The following ZNF142 variants were observed in gnomAD, a reference collection of about 807,000 sequenced individuals.
The protein encoded by ZNF142 is zinc finger protein 142 (clone pHZ-49).
ZNF142 carries 96 observed loss-of-function variants against 132.1 expected under a neutral mutation model. The observed-to-expected ratio is 0.73, with a 90% CI of 0.62 to 0.86. The LOEUF is 0.86. Ranked by LOEUF, ZNF142 falls within the 40% of genes least tolerant of loss-of-function variation. The probability of loss-of-function intolerance (pLI) is 0.00; values close to 1 mark genes in which losing one functional copy is unlikely to be tolerated. For missense variants in ZNF142, 2,163 were observed against 2,336.2 expected, an observed-to-expected ratio of 0.93 and a Z score of 1.53; for synonymous variants, 842 against 890.1, an observed-to-expected ratio of 0.95 and a Z score of 0.96.
At position 218,633,497 on chromosome 2, in the gene ZNF142, G is replaced by T; in HGVS notation, c.*4842C>A. ...GTCCCGGCAGGTGAGGCAGGAGGGA[G>T]AATACAGTGGGGAGGCAGTGGGCAG... is the stretch of plus-strand genomic sequence containing the variant. On this transcript the variant is annotated 3_prime_UTR_variant, in exon 11 of 11. Transcript: ENST00000411696. The T allele has an allele frequency of 7.6e-7, 1 of 1,310,832 alleles. No individual in the cohort carries two copies. Among genetic ancestry groups the T allele is most frequent in the Non-Finnish European group, 1.1e-6 (1 of 915,466 alleles). The allele number at this position is 1,310,832 out of a possible 1,614,324, so 81.2% of individuals were successfully genotyped here.
chr2:218,654,247 A>G (rs1938276166), intron 4 of ZNF142, among the ~76,000 whole-genome samples: 3 of 152,194 alleles, frequency 2.0e-5, no homozygotes, highest in Middle Eastern at 3.2e-3. Context: ...TTTGCTATGT[A>G]GCTAAATTGA....
At position 218,643,820 on chromosome 2, in the gene ZNF142, A is replaced by C; in HGVS notation, c.3296T>G (p.Leu1099Trp). The C allele has an allele frequency of 6.2e-7, 1 of 1,613,096 alleles. No individual in the cohort carries two copies. The highest frequency in any genetic ancestry group is 8.5e-7 in the Non-Finnish European group (1 of 1,179,364). The change falls in exon 9 of 11, where the codon TTG becomes TGG. Residue 1099 changes from leucine to tryptophan, a missense_variant. Transcript: ENST00000411696. ...AGGGATGGGTGAATCTGGTCTGGGC[A>C]AGCCCTTGTTCTTTCTGAGTAGAAC... ...CPVLLRKNKGLPRPDSPIPLQ... is the reference protein window; with the variant it reads ...CPVLLRKNKGWPRPDSPIPLQ...
intron 3 of ZNF142, among the ~76,000 whole-genome samples, chr2:218,656,912 G>A (rs1938564112): frequency 6.6e-6 from 1 of 151,724 alleles, no homozygotes; most frequent in African/African-American, 2.4e-5. Flanking sequence ...CCGCCTCCTG[G>A]GTTCAAGCAA....
rs1453177953 is a variant in ZNF142 at position 218,642,087 on chromosome 2, C to T, written c.5029G>A (p.Glu1677Lys). The T allele has an allele frequency of 1.9e-6, 3 of 1,614,082 alleles. No individual in the cohort carries two copies. Among genetic ancestry groups the T allele is most frequent in the Non-Finnish European group, 2.5e-6 (3 of 1,180,036 alleles). Residue 1677 changes from glutamate to lysine, a missense_variant, in exon 9 of 11, where the codon GAA (glutamate) becomes AAA (lysine). Transcript: ENST00000411696. The surrounding 1 kb of genome is among the most constrained non-coding windows in gnomAD (Gnocchi z 4.6). ...CAGAGGTGACAGTGGTAAGGCTTTT[C>T]CCCAGTGTGGATGCGGCTGTGCCAG... ...ITWHSRIHTGEKPYHCHLCPY... is the reference protein window; with the variant it reads ...ITWHSRIHTGKKPYHCHLCPY...
rs374016465 is a variant in ZNF142, at chr2:218,640,616, C to T, written c.5194+48G>A. The T allele has an allele frequency of 4.1e-4, 651 of 1,572,682 alleles. 1 individual carries two copies. Among genetic ancestry groups the T allele is most frequent in the Non-Finnish European group, 5.4e-4 (617 of 1,143,784 alleles). On this transcript the variant is annotated intron_variant, in intron 10 of 10. Transcript: ENST00000411696. ...CCAACCTTGGTAAGGTTAGGTTTGC[C>T]AGGGAACAAAGGAACCCTTCAGGCC...
In ZNF142 at chr2:218,657,974, T is replaced by C. The variant is rs1009271978; in HGVS notation, c.-35+727A>G. 3.5e-4 allele frequency among the ~76,000 whole-genome samples: 53 copies of C among 152,226 alleles called. 1 individual carries two copies. Among genetic ancestry groups the C allele is most frequent in the African/African-American group, 1.2e-3 (51 of 41,456 alleles). On this transcript the variant is annotated intron_variant, in intron 3 of 10. Coordinates refer to ENST00000411696, the MANE Select transcript of ZNF142 (RefSeq NM_001379659.1). ...AGATTCCAGTGAAGAACCACAGATA[T>C]GGAGCTGCATTGGAGTAAAGCTAGG...
At position 218,643,017 on chromosome 2, in the gene ZNF142, G is replaced by T. The variant is rs554323831; in HGVS notation, c.4099C>A (p.Pro1367Thr). 21 of 1,605,214 alleles carry T rather than the reference G, an allele frequency of 1.3e-5. No individual in the cohort carries two copies. The African/African-American group carries it at 2.8e-4, about 21-fold the overall frequency. ...RHPTAAPARGPRPHLQCGDCG... is the reference protein window; with the variant it reads ...RHPTAAPARGTRPHLQCGDCG... ...TCCCCACACTGTAGATGGGGCCGGGGCCCACGGGCTGGGGCTGCAGTGGGG... is the reference window on the plus strand; with the variant it reads ...TCCCCACACTGTAGATGGGGCCGGGTCCCACGGGCTGGGGCTGCAGTGGGG... Residue 1367 changes from proline to threonine, a missense_variant, in exon 9 of 11, where the codon CCC (proline) becomes ACC (threonine). Pro to Thr is a conservative substitution (Grantham distance 38). Transcript: ENST00000411696.
Position 218,635,907 on chromosome 2 carries a change from G to C in ZNF142, c.*2432C>G. ...CGTTCGTCTAGACACAGCACGGCAG[G>C]AGACCAACTATGTGGAGAACAATGG... On this transcript the variant is annotated 3_prime_UTR_variant, in exon 11 of 11. Transcript: ENST00000411696. The C allele has an allele frequency of 1.2e-6, 2 of 1,614,038 alleles. No individual in the cohort carries two copies. Among genetic ancestry groups the C allele is most frequent in the Admixed American group, 3.3e-5 (2 of 60,024 alleles).
Position 218,643,404 on chromosome 2 carries a change from G to A in ZNF142, c.3712C>T (p.Leu1238Phe). The stretch of plus-strand genomic sequence containing the variant: ...GCCACGTGAGAGGTAATAGAGGAGA[G>A]CCGGGAACAAAGGAATGGGCAGGAG... ...CNSCPFLCSR[L>F]SSITSHVAEG... The change falls in exon 9 of 11, where the codon CTC becomes TTC. Residue 1238 changes from leucine (L) to phenylalanine (F), a missense_variant. Transcript: ENST00000411696. 1 of 1,614,232 alleles carries A rather than the reference G, an allele frequency of 6.2e-7. No individual in the cohort carries two copies. The highest frequency in any genetic ancestry group is 8.5e-7 in the Non-Finnish European group (1 of 1,180,032).
intron 7 of ZNF142, among the ~76,000 whole-genome samples, chr2:218,647,591 T>C (rs1235033520): frequency 6.6e-6 from 1 of 152,026 alleles, no homozygotes; most frequent in Middle Eastern, 3.2e-3. Context: ...GAGCAGTCTG[T>C]TTCCTTGCCT....
chr2:218,638,434 C>A lies in ZNF142; in HGVS notation c.5569G>T (p.Asp1857Tyr). The A allele has an allele frequency of 6.4e-7, 1 of 1,569,466 alleles. No homozygotes were observed. Reference sequence around the variant, plus strand: ...AGGTGCACTGTGGGGGTGGTGGGGTCTTTGCCCACACCCTGGTTTGGGTCG... The same window carrying A: ...AGGTGCACTGTGGGGGTGGTGGGGTATTTGCCCACACCCTGGTTTGGGTCG... ...QADPNQGVGK[D>Y]PTTPTVHLHD... Residue 1857 changes from aspartate (D) to tyrosine (Y), a missense_variant, in exon 11 of 11, where the codon GAC becomes TAC. Asp to Tyr is a radical substitution (Grantham distance 160). This residue lies in a region of ZNF142 where 325 missense variants were observed against 367.8 expected (regional missense o/e 0.88). Transcript: ENST00000411696.
rs1396668363 is a variant in ZNF142 at position 218,637,305 on chromosome 2, C to A, written c.*1034G>T. The stretch of plus-strand genomic sequence containing the variant: ...GTTCCCAGGAGACCTCTTGCATGTG[C>A]TACATAGGAAGGACACAGAGTATGG... On this transcript the variant is annotated 3_prime_UTR_variant, in exon 11 of 11. Coordinates refer to ENST00000411696, the MANE Select transcript of ZNF142 (RefSeq NM_001379659.1). 2.4e-5 allele frequency: 4 copies of A among 168,576 alleles called. No homozygotes were observed. The highest frequency in any genetic ancestry group is 6.1e-5 in the Admixed American group (1 of 16,520). The allele number at this position is 168,576 out of a possible 1,614,324, so 10.4% of individuals were successfully genotyped here.
intron 4 of ZNF142, among the ~76,000 whole-genome samples, chr2:218,653,842 A>T (rs1223463079): frequency 6.6e-6 from 1 of 152,094 alleles, no homozygotes; most frequent in African/African-American, 2.4e-5. Context: ...AAAAAATAAA[A>T]ATAATTTTTT....
rs776057640 is a variant in ZNF142, at chr2:218,638,280, G to A, written c.*59C>T. 111 of 1,432,054 alleles carry A rather than the reference G, an allele frequency of 7.8e-5. No homozygotes were observed. The highest frequency in any genetic ancestry group is 9.9e-5 in the Non-Finnish European group (108 of 1,087,090). 88.7% of individuals were successfully genotyped at this position (1,432,054 alleles called of 1,614,324 possible). The stretch of plus-strand genomic sequence containing the variant: ...CTCTGAGCTCCTCAGGCTAGCGCTG[G>A]TCCCAGTCTGCACATCTCAGACCAT... On this transcript the variant is annotated 3_prime_UTR_variant, in exon 11 of 11. Transcript: ENST00000411696.
Position 218,633,820 on chromosome 2 carries a change from G to A in ZNF142, c.*4519C>T, listed in dbSNP as rs1433602555. 6 of 1,581,096 alleles carry A rather than the reference G, an allele frequency of 3.8e-6. No homozygotes were observed. The highest frequency in any genetic ancestry group is 5.2e-6 in the Non-Finnish European group (6 of 1,155,810). On this transcript the variant is annotated 3_prime_UTR_variant, in exon 11 of 11. Coordinates refer to ENST00000411696, the MANE Select transcript of ZNF142 (RefSeq NM_001379659.1). Reference sequence around the variant, plus strand: ...TGGGATGGATAGGTTCAGGCCTGATGGACTGGCAGGTAAGTCCCAAGAAAA... The same window carrying A: ...TGGGATGGATAGGTTCAGGCCTGATAGACTGGCAGGTAAGTCCCAAGAAAA...
intron 8 of ZNF142, among the ~76,000 whole-genome samples, chr2:218,645,306 A>G (rs934953157): frequency 3.3e-5 from 5 of 152,222 alleles, no homozygotes; most frequent in African/African-American, 1.2e-4. Context: ...GAGCAGAGAC[A>G]GCCTAGCTTC....
intron 10 of ZNF142, among the ~76,000 whole-genome samples, chr2:218,639,925 G>A (rs1200973486): frequency 3.3e-5 from 5 of 150,834 alleles, no homozygotes; most frequent in South Asian, 2.1e-4. Context: ...GCGTGGTGGC[G>A]GGTGCCTGTA....
chr2:218,648,637 G>T lies in ZNF142; in HGVS notation c.1871C>A (p.Thr624Lys). The stretch of plus-strand genomic sequence containing the variant: ...TTTAAGGATGGAAACCATCCTACCC[G>T]TATGTAGAAGCATGTGTCGGATGAG... Reference protein sequence around the residue: ...RVLIRHMLLHTGEKPHKCELC... With the variant: ...RVLIRHMLLHKGEKPHKCELC... The change falls in exon 7 of 11, where the codon ACG becomes AAG. Residue 624 changes from threonine to lysine, a missense_variant and splice_region_variant. Physicochemically the swap from Thr to Lys is moderately conservative, Grantham distance 78 (BLOSUM62 -1). Around this residue, in one of 7 missense-constraint regions of ZNF142, gnomAD observed 749 missense variants for 830.3 expected, o/e 0.90. Transcript: ENST00000411696. 1 of 1,611,734 alleles carries T rather than the reference G, an allele frequency of 6.2e-7. No individual in the cohort carries two copies. Among genetic ancestry groups the T allele is most frequent in the South Asian group, 1.1e-5 (1 of 91,046 alleles).
At chr2:218,647,422 C>CATAAAAAAAAAAAAAAA (rs1697834172) in intron 7 of ZNF142, among the ~76,000 whole-genome samples, 1 of 38,650 alleles carries the variant, frequency 2.6e-5, no homozygotes, top group Non-Finnish European at 4.7e-5. Context: ...GACTCCATCT[C>CATAAAAAAAAAAAAAAA]AAAAAAAAAA....
Sources: allele counts gnomAD v4.1 joint callset (sites outside exome capture counted in the v4.1 genomes callset), GRCh38; gene constraint gnomAD v4.1.1; regional missense constraint gnomAD v4.1.1; non-coding constraint Gnocchi (gnomAD v3.1); transcripts MANE v1.5; gene names NCBI Gene and HGNC (gene_info 2026-07-23, HGNC 2026-07-21).